The following AFG3L2 variants were observed in gnomAD, a reference collection of about 807,000 sequenced individuals.
The protein encoded by AFG3L2 is mitochondrial inner membrane m-AAA protease component AFG3L2.
In AFG3L2, 54 loss-of-function variants were observed where a neutral mutation model predicts 94.5. The observed-to-expected ratio is 0.57, with a 90% confidence interval of 0.46 to 0.72. The LOEUF (loss-of-function observed/expected upper bound fraction) is 0.72, where lower values mean the gene tolerates loss of function less well. Among genes scored for constraint, AFG3L2 ranks in the 30% least tolerant of loss-of-function variants. AFG3L2 has a pLI of 0.00. For synonymous variants in AFG3L2, 377 were observed against 365.5 expected, an observed-to-expected ratio of 1.03 and a Z score of -0.36; for missense variants, 754 against 994.9, an observed-to-expected ratio of 0.76 and a Z score of 3.26.
chr18:12,353,192 G>C, intron 9 of AFG3L2, 34 bp from the exon 10 acceptor site: 1 of 1,612,064 alleles, frequency 6.2e-7, no homozygotes, highest in Non-Finnish European at 8.5e-7. Flanking sequence ...CACCTGACCA[G>C]AGAATATTAT....
chr18:12,329,503 G>C lies in AFG3L2; in HGVS notation c.*62C>G. The C allele has an allele frequency of 6.6e-7, 1 of 1,525,080 alleles. No individual in the cohort carries two copies. Among genetic ancestry groups the C allele is most frequent in the Non-Finnish European group, 9.1e-7 (1 of 1,100,570 alleles). The allele number at this position is 1,525,080 out of a possible 1,614,324, so 94.5% of individuals were successfully genotyped here. A position where few individuals can be genotyped will look rare whatever the true frequency, so the allele number is the denominator to read the frequency against. ...CATTCCCATTCTTCTGAAAGCCACA[G>C]CTGAAATAATGCACCAGCTGAAACC... is the stretch of plus-strand genomic sequence containing the variant. On this transcript the variant is annotated 3_prime_UTR_variant, in exon 17 of 17. Transcript: ENST00000269143.
chr18:12,338,722 A>C (rs549432743), intron 15 of AFG3L2, among the ~76,000 whole-genome samples: 1 of 152,338 alleles, frequency 6.6e-6, no homozygotes, highest in African/African-American at 2.4e-5. Flanking sequence ...TAAGAAAAAA[A>C]TAAGCTGAAT....
At position 12,371,695 on chromosome 18, in the gene AFG3L2, C is replaced by T. The variant is rs759779940; in HGVS notation, c.115-4G>A. The T allele has an allele frequency of 9.3e-6, 15 of 1,611,854 alleles. No homozygotes were observed. Among genetic ancestry groups the T allele is most frequent in the Non-Finnish European group, 1.2e-5 (14 of 1,178,444 alleles). Reference sequence around the variant, plus strand: ...GAGTTGTAACAAATCGGTAAAGCTGCAACAAGACATAAAAATAAAACCATA... The same window carrying T: ...GAGTTGTAACAAATCGGTAAAGCTGTAACAAGACATAAAAATAAAACCATA... On this transcript the variant is annotated splice_region_variant and splice_polypyrimidine_tract_variant and intron_variant, in intron 1 of 16. Coordinates refer to ENST00000269143, the MANE Select transcript of AFG3L2 (RefSeq NM_006796.3).
chr18:12,336,401 CAGG>C (rs1245644821), intron 16 of AFG3L2, among the ~76,000 whole-genome samples: 2 of 152,226 alleles, frequency 1.3e-5, no homozygotes, highest in Non-Finnish European at 2.9e-5. Flanking sequence ...TGACTCAGCA[CAGG>C]AGGATAGCTT....
chr18:12,363,915 T>C, intron 5 of AFG3L2, 59 bp from the exon 6 acceptor site: 1 of 1,263,714 alleles, frequency 7.9e-7, no homozygotes, highest in East Asian at 2.3e-5. Context: ...AGATACTCTT[T>C]TAAGCTCATT....
Position 12,363,705 on chromosome 18 carries a change from G to A in AFG3L2, c.627+77C>T. On this transcript the variant is annotated intron_variant, in intron 6 of 16. Coordinates refer to ENST00000269143, the MANE Select transcript of AFG3L2 (RefSeq NM_006796.3). ...GGTGCGTATAACTCCTAGAGTATGA[G>A]GCAGGTTTTCCTTTCAGCTTTAAAT... 4 of 1,159,832 alleles carry A rather than the reference G, an allele frequency of 3.4e-6. No individual in the cohort carries two copies. In the South Asian group the frequency reaches 4.9e-5, roughly 14 times the overall value. The allele number at this position is 1,159,832 out of a possible 1,614,324, so 71.8% of individuals were successfully genotyped here.
chr18:12,346,192 C>T (rs1427297115), intron 13 of AFG3L2, among the ~76,000 whole-genome samples: 1 of 152,142 alleles, frequency 6.6e-6, no homozygotes, highest in African/African-American at 2.4e-5. Context: ...TGTGGTACAC[C>T]ATGAGCACGG....
At chr18:12,339,866 A>G (rs1907888754) in intron 15 of AFG3L2, among the ~76,000 whole-genome samples, 1 of 150,220 alleles carries the variant, frequency 6.7e-6, no homozygotes, top group Admixed American at 6.6e-5. Context: ...AAAAAAAAAA[A>G]AAAATTAGCC....
chr18:12,345,701 C>T (rs541661842), intron 13 of AFG3L2, among the ~76,000 whole-genome samples: 51 of 152,284 alleles, frequency 3.3e-4, no homozygotes, highest in African/African-American at 4.8e-4. Context: ...CCTGCGGCTG[C>T]GTGGCTGCCC....
intron 14 of AFG3L2, chr18:12,341,623 A>C (rs745757206): frequency 5.3e-5 from 8 of 152,130 alleles, no homozygotes; most frequent in Non-Finnish European, 8.8e-5. Context: ...GCTGTGTGGC[A>C]CTCCACTGCT....
At chr18:12,343,805 G>A in intron 14 of AFG3L2, 1 of 414,770 alleles carries the variant, frequency 2.4e-6, no homozygotes, top group Non-Finnish European at 4.5e-6. Flanking sequence ...TCATACCACT[G>A]TAGTGTGGAG....
In AFG3L2 at chr18:12,358,816, T is replaced by C; in HGVS notation, c.880A>G (p.Thr294Ala). ...TCATCCTTTAAGACCTTGGCAGTGGTTTCTCCGACACTGAAGAGTCCGCCC... is the reference window on the plus strand; with the variant it reads ...TCATCCTTTAAGACCTTGGCAGTGGCTTCTCCGACACTGAAGAGTCCGCCC... The part of the protein sequence containing the change: ...GMGGLFSVGE[T>A]TAKVLKDEID... Residue 294 changes from threonine to alanine, a missense_variant, in exon 8 of 17, where the codon ACC becomes GCC. Physicochemically the swap from Thr to Ala is moderately conservative, Grantham distance 58 (BLOSUM62 0). This residue lies in a region of AFG3L2 where 130 missense variants were observed against 175.1 expected (regional missense o/e 0.74). Coordinates refer to ENST00000269143, the MANE Select transcript of AFG3L2 (RefSeq NM_006796.3). 1 of 1,614,246 alleles carries C rather than the reference T, an allele frequency of 6.2e-7. No homozygotes were observed. Among genetic ancestry groups the C allele is most frequent in the Non-Finnish European group, 8.5e-7 (1 of 1,180,052 alleles).
chr18:12,333,340 T>C, intron 16 of AFG3L2, among the ~76,000 whole-genome samples: 1 of 130,064 alleles, frequency 7.7e-6, no homozygotes. Flanking sequence ...AAATTATATA[T>C]ATAATATATA....
intron 13 of AFG3L2, 146 bp downstream of exon 13, chr18:12,348,127 T>C: frequency 4.2e-6 from 3 of 713,300 alleles, no homozygotes; most frequent in East Asian, 2.7e-5. Flanking sequence ...GGAGGGGCCA[T>C]GACACCAAGA....
At position 12,352,983 on chromosome 18, in the gene AFG3L2, T is replaced by C. The variant is rs777252535; in HGVS notation, c.1318+22A>G. On this transcript the variant is annotated intron_variant, in intron 10 of 16. Coordinates refer to ENST00000269143, the MANE Select transcript of AFG3L2 (RefSeq NM_006796.3). ...AAAAAAACAAAAGTGCAGTTAAAGA[T>C]ACAAAAGCCTTGACCACTCACCATC... is the stretch of plus-strand genomic sequence containing the variant. The C allele has an allele frequency of 1.9e-5, 31 of 1,612,062 alleles. No homozygotes were observed. The South Asian group carries it at 2.1e-4, about 11-fold the overall frequency.
Position 12,357,444 on chromosome 18 carries a change from T to C in AFG3L2, c.1027-613A>G, listed in dbSNP as rs117123779. On this transcript the variant is annotated intron_variant, in intron 8 of 16. Coordinates refer to ENST00000269143, the MANE Select transcript of AFG3L2 (RefSeq NM_006796.3). Reference sequence around the variant, plus strand: ...CCAAATACTGTGAGGAGGTAGATAATATGGTCAAATGATATTTTTTCTAGG... The same window carrying C: ...CCAAATACTGTGAGGAGGTAGATAACATGGTCAAATGATATTTTTTCTAGG... Among the ~76,000 whole-genome samples the C allele has an allele frequency of 5.9e-3, 895 of 152,314 alleles. 7 individuals are homozygous for C. The highest frequency in any genetic ancestry group is 8.3e-3 in the Non-Finnish European group (568 of 68,026).
intron 3 of AFG3L2, among the ~76,000 whole-genome samples, chr18:12,369,403 T>G (rs1908907861): frequency 6.6e-6 from 1 of 152,150 alleles, no homozygotes; most frequent in South Asian, 2.1e-4. Context: ...CATATATTTG[T>G]CTGTCCAACT....
At position 12,337,624 on chromosome 18, in the gene AFG3L2, A is replaced by T. The variant is rs139642729; in HGVS notation, c.1981-89T>A. The T allele has an allele frequency of 9.7e-6, 12 of 1,239,950 alleles. No individual in the cohort carries two copies. The African/African-American group carries it at 1.2e-4, about 12-fold the overall frequency. The allele number at this position is 1,239,950 out of a possible 1,614,324, so 76.8% of individuals were successfully genotyped here. A position where few individuals can be genotyped will look rare whatever the true frequency, so the allele number is the denominator to read the frequency against. On this transcript the variant is annotated intron_variant, in intron 15 of 16. Coordinates refer to ENST00000269143, the MANE Select transcript of AFG3L2 (RefSeq NM_006796.3). The stretch of plus-strand genomic sequence containing the variant: ...AGCAGCCTGGAGCCGGCTAAAGTGC[A>T]CAAAGGTGCTCTGTGTAGCCAGCAG...
At chr18:12,376,721 G>A (rs1909168787) in intron 1 of AFG3L2, among the ~76,000 whole-genome samples, 1 of 152,248 alleles carries the variant, frequency 6.6e-6, no homozygotes, top group Admixed American at 6.5e-5. Flanking sequence ...CAACCGCCCC[G>A]GTGAAGCGCG....
Sources: allele counts gnomAD v4.1 joint callset (sites outside exome capture counted in the v4.1 genomes callset), GRCh38; gene constraint gnomAD v4.1.1; regional missense constraint gnomAD v4.1.1; transcripts MANE v1.5; gene names NCBI Gene and HGNC (gene_info 2026-07-23, HGNC 2026-07-21).